ONECUT2: variants seen among roughly 807,000 people sequenced by gnomAD.
ONECUT2 encodes one cut homeobox 2, also known as one cut domain family member 2.
In ONECUT2, 10 loss-of-function variants were observed where a neutral mutation model predicts 27.9. The observed-to-expected ratio is 0.36, with a 90% CI of 0.22 to 0.61. The LOEUF is 0.61. Among genes scored for constraint, ONECUT2 ranks in the 20% least tolerant of loss-of-function variants. The pLI, the probability that ONECUT2 is intolerant of heterozygous loss-of-function variation, is 0.73. For synonymous variants in ONECUT2, 334 were observed against 315.1 expected (o/e 1.06, Z -0.64); for missense variants, 686 against 721.0 (o/e 0.95, Z 0.56).
intron 1 of ONECUT2, among the ~76,000 whole-genome samples, chr18:57,441,437 C>G (rs896536917): frequency 2.0e-5 from 3 of 152,220 alleles, no homozygotes; most frequent in Non-Finnish European, 4.4e-5. Flanking sequence ...GCTCCTCCCC[C>G]GCGAGGCCCC....
Position 57,489,166 on chromosome 18 carries a change from T to TG in ONECUT2, c.*12447dup, listed in dbSNP as rs2050452588. 1 of 152,274 alleles carries TG rather than the reference T, an allele frequency of 6.6e-6. No individual in the cohort carries two copies. The highest frequency in any genetic ancestry group is 2.4e-5 in the African/African-American group (1 of 41,450). The allele number at this position is 152,274 out of a possible 1,614,324, so 9.4% of individuals were successfully genotyped here. A position where few individuals can be genotyped will look rare whatever the true frequency, so the allele number is the denominator to read the frequency against. ...AAGGATCCAGGTCCCCTCCATCCAG[T>TG]GGGGCTCTTCCACATCAGAAGTCCC... is the stretch of plus-strand genomic sequence containing the variant. On this transcript the variant is annotated 3_prime_UTR_variant, in exon 2 of 2. Transcript: ENST00000491143.
At chr18:57,465,689 A>G (rs182443438) in intron 1 of ONECUT2, among the ~76,000 whole-genome samples, 5 of 152,066 alleles carry the variant, frequency 3.3e-5, no homozygotes, top group East Asian at 1.9e-4. Context: ...TATTTTTTCA[A>G]TTGTCTCTTT....
intron 1 of ONECUT2, among the ~76,000 whole-genome samples, chr18:57,442,192 AAT>A (rs200069951): frequency 1.9e-4 from 29 of 149,796 alleles, no homozygotes; most frequent in Non-Finnish European, 2.1e-4. Flanking sequence ...ATGGAAAAAA[AAT>A]AAAAGATCAG....
At chr18:57,452,705 G>A (rs978170652) in intron 1 of ONECUT2, among the ~76,000 whole-genome samples, 25 of 152,312 alleles carry the variant, frequency 1.6e-4, no homozygotes, top group African/African-American at 4.3e-4. Flanking sequence ...GATTACAGGC[G>A]TGCGCCACCA....
chr18:57,469,226 G>A (rs1228420411), intron 1 of ONECUT2, among the ~76,000 whole-genome samples: 1 of 152,174 alleles, frequency 6.6e-6, no homozygotes, highest in African/African-American at 2.4e-5. Context: ...CTTCCTAGGA[G>A]GGAAGCTGCG....
intron 1 of ONECUT2, among the ~76,000 whole-genome samples, chr18:57,458,706 C>T (rs1011957364): frequency 3.9e-5 from 6 of 151,956 alleles, no homozygotes; most frequent in African/African-American, 1.5e-4. Context: ...TACACACCTC[C>T]CTGTGTACCC....
intron 1 of ONECUT2, among the ~76,000 whole-genome samples, chr18:57,446,945 G>C (rs1421079383): frequency 6.6e-6 from 1 of 152,236 alleles, no homozygotes; most frequent in Non-Finnish European, 1.5e-5. Context: ...TGTGCCAACT[G>C]TAAGGTGTTC....
chr18:57,449,820 T>C (rs903291634), intron 1 of ONECUT2, among the ~76,000 whole-genome samples: 9 of 152,252 alleles, frequency 5.9e-5, no homozygotes, highest in Admixed American at 1.3e-4. Context: ...GCCTCTGAAA[T>C]CTTCCCAGCT....
intron 1 of ONECUT2, among the ~76,000 whole-genome samples, chr18:57,451,949 G>T (rs963473845): frequency 5.3e-5 from 8 of 152,096 alleles, no homozygotes; most frequent in African/African-American, 1.2e-4. Flanking sequence ...AATGGGGGGG[G>T]CGGTGTTGGT....
rs1204035010 is a variant in ONECUT2, at chr18:57,482,005, C to A, written c.*5282C>A. On this transcript the variant is annotated 3_prime_UTR_variant, in exon 2 of 2. Transcript: ENST00000491143. ...GTAGAGCTGGTGTATCTATAACTTTCTGATATTTGTCTGCCAAACTTGATA... is the reference window on the plus strand; with the variant it reads ...GTAGAGCTGGTGTATCTATAACTTTATGATATTTGTCTGCCAAACTTGATA... 6.6e-6 allele frequency: 1 copy of A among 152,118 alleles called. No homozygotes were observed. The highest frequency in any genetic ancestry group is 2.4e-5 in the African/African-American group (1 of 41,420). The allele number at this position is 152,118 out of a possible 1,614,324, so 9.4% of individuals were successfully genotyped here.
intron 1 of ONECUT2, 58 bp from the exon 2 acceptor site, chr18:57,476,379 T>C (rs539503166): frequency 1.9e-6 from 3 of 1,546,846 alleles, no homozygotes; most frequent in Non-Finnish European, 2.6e-6. Context: ...ATGTTTTCCA[T>C]GGATCACCTT....
chr18:57,436,990 C>T lies in ONECUT2; in HGVS notation c.1228+46C>T. 6.6e-7 allele frequency: 1 copy of T among 1,522,242 alleles called. No homozygotes were observed. The allele number at this position is 1,522,242 out of a possible 1,614,324, so 94.3% of individuals were successfully genotyped here. A position where few individuals can be genotyped will look rare whatever the true frequency, so the allele number is the denominator to read the frequency against. ...GGGCCAGGCTGCTGGGAAGAGGGCT[C>T]CGGGTCCGGTGCTTGTGGCCCAAGT... is the stretch of plus-strand genomic sequence containing the variant. On this transcript the variant is annotated intron_variant, in intron 1 of 1. Coordinates refer to ENST00000491143, the MANE Select transcript of ONECUT2 (RefSeq NM_004852.3). This position sits in a 1 kb window ranked among gnomAD's most constrained non-coding sequence, Gnocchi z 5.9.
intron 1 of ONECUT2, among the ~76,000 whole-genome samples, chr18:57,457,715 A>T (rs2050267467): frequency 6.6e-6 from 1 of 152,156 alleles, no homozygotes; most frequent in Admixed American, 6.5e-5. Context: ...AAGACTTGGA[A>T]CCAACCCAAA....
At chr18:57,442,416 G>A (rs1171297668) in intron 1 of ONECUT2, among the ~76,000 whole-genome samples, 1 of 152,142 alleles carries the variant, frequency 6.6e-6, no homozygotes, top group African/African-American at 2.4e-5. Flanking sequence ...GCATTGTTCT[G>A]CTTTGAGTTG....
At chr18:57,468,878 G>T (rs142584600) in intron 1 of ONECUT2, among the ~76,000 whole-genome samples, 2 of 152,094 alleles carry the variant, frequency 1.3e-5, no homozygotes, top group Non-Finnish European at 2.9e-5. Context: ...TACTTTAAAG[G>T]CTCTTGATCA....
chr18:57,446,160 G>A (rs371094979), intron 1 of ONECUT2, among the ~76,000 whole-genome samples: 5 of 152,322 alleles, frequency 3.3e-5, no homozygotes, highest in East Asian at 1.9e-4. Flanking sequence ...CCAGGGGCTC[G>A]GGCCAGCCCT....
At chr18:57,452,396 T>A (rs2050235494) in intron 1 of ONECUT2, among the ~76,000 whole-genome samples, 1 of 151,796 alleles carries the variant, frequency 6.6e-6, no homozygotes, top group African/African-American at 2.4e-5. Flanking sequence ...AGGTGATTGC[T>A]TGTAGCTCAA....
chr18:57,461,521 G>A (rs1252228984), intron 1 of ONECUT2, among the ~76,000 whole-genome samples: 4 of 152,184 alleles, frequency 2.6e-5, no homozygotes, highest in Non-Finnish European at 5.9e-5. Context: ...TATTTGAAAG[G>A]TGATTCCAGA....
At chr18:57,441,284 T>C (rs1374772906) in intron 1 of ONECUT2, among the ~76,000 whole-genome samples, 1 of 152,218 alleles carries the variant, frequency 6.6e-6, no homozygotes. Flanking sequence ...CCAGATTTCA[T>C]TGATCTGGAA....
Sources: allele counts gnomAD v4.1 joint callset (sites outside exome capture counted in the v4.1 genomes callset), GRCh38; gene constraint gnomAD v4.1.1; non-coding constraint Gnocchi (gnomAD v3.1); transcripts MANE v1.5; gene names NCBI Gene and HGNC (gene_info 2026-07-23, HGNC 2026-07-21).